The following ITGBL1 variants were observed in gnomAD, a reference collection of about 807,000 sequenced individuals.
ITGBL1 encodes integrin subunit beta like 1, also known as integrin beta-like protein 1.
A neutral mutation model predicts 68.5 loss-of-function variants in ITGBL1; 51 were observed. The ratio of observed to expected loss-of-function variants is 0.74; its 90% CI spans 0.59 to 0.94. The LOEUF (loss-of-function observed/expected upper bound fraction) is 0.94, where lower values mean the gene tolerates loss of function less well. ITGBL1 is among the 40% of genes least tolerant of loss of function. The pLI is 0.00. For missense variants in ITGBL1, 649 were observed against 647.4 expected (o/e 1.00, Z -0.03); for synonymous variants, 209 against 227.3 (o/e 0.92, Z 0.72).
intron 2 of ITGBL1, among the ~76,000 whole-genome samples, chr13:101,473,686 AGT>A (rs1262230456): frequency 3.3e-5 from 5 of 152,154 alleles, no homozygotes; most frequent in Admixed American, 1.3e-4. Context: ...CAGCCAAGGG[AGT>A]GTGTGCATCA....
chr13:101,704,012 G>A (rs367786423), intron 8 of ITGBL1, among the ~76,000 whole-genome samples: 2 of 152,112 alleles, frequency 1.3e-5, no homozygotes, highest in Non-Finnish European at 2.9e-5. Context: ...GGGAGGGGAC[G>A]GGAGAGACCA....
At chr13:101,575,679 C>A (rs1351811272) in intron 4 of ITGBL1, 133 bp downstream of exon 4, 4 of 874,650 alleles carry the variant, frequency 4.6e-6, no homozygotes, top group African/African-American at 1.7e-5. Context: ...ATCTGGAAAA[C>A]ATTTCACATA....
intron 2 of ITGBL1, among the ~76,000 whole-genome samples, chr13:101,458,870 A>C (rs1338127336): frequency 6.6e-6 from 1 of 152,220 alleles, no homozygotes; most frequent in Non-Finnish European, 1.5e-5. Context: ...TATGGTGCCC[A>C]AAAGCATGGC....
At chr13:101,612,302 T>C (rs776558750) in intron 7 of ITGBL1, among the ~76,000 whole-genome samples, 5 of 152,318 alleles carry the variant, frequency 3.3e-5, no homozygotes, top group South Asian at 2.1e-4. Flanking sequence ...TTTGAGGTCA[T>C]GTATAAAGTC....
chr13:101,668,800 T>C (rs1458160422), intron 7 of ITGBL1, among the ~76,000 whole-genome samples: 5 of 152,310 alleles, frequency 3.3e-5, no homozygotes, highest in African/African-American at 1.2e-4. Flanking sequence ...GATAAAATAA[T>C]AAACATTAAT....
intron 2 of ITGBL1, among the ~76,000 whole-genome samples, chr13:101,469,274 T>C (rs1335979153): frequency 1.3e-5 from 2 of 152,196 alleles, no homozygotes; most frequent in Non-Finnish European, 2.9e-5. Flanking sequence ...TCACTTTGCA[T>C]CTTGGAAATG....
chr13:101,604,844 CAA>C (rs2030597487), intron 7 of ITGBL1, among the ~76,000 whole-genome samples: 19 of 32,254 alleles, frequency 5.9e-4, no homozygotes, highest in South Asian at 2.2e-3. Context: ...CAGGTGAAGG[CAA>C]TATATATATA....
At chr13:101,693,490 G>A (rs1284858209) in intron 8 of ITGBL1, among the ~76,000 whole-genome samples, 1 of 152,102 alleles carries the variant, frequency 6.6e-6, no homozygotes, top group Non-Finnish European at 1.5e-5. Flanking sequence ...GCATAGGTAG[G>A]CTTGTTACAT....
intron 7 of ITGBL1, among the ~76,000 whole-genome samples, chr13:101,609,075 G>A (rs1255834583): frequency 1.3e-5 from 2 of 151,978 alleles, no homozygotes; most frequent in Non-Finnish European, 1.5e-5. Flanking sequence ...GGTTGTATAT[G>A]CTCTATTACC....
chr13:101,629,551 C>T (rs1476662450), intron 7 of ITGBL1, among the ~76,000 whole-genome samples: 1 of 152,042 alleles, frequency 6.6e-6, no homozygotes, highest in Non-Finnish European at 1.5e-5. Flanking sequence ...TGTTCTTCAT[C>T]TATTTAAAAT....
At chr13:101,611,780 CTG>C (rs2139368019) in intron 7 of ITGBL1, among the ~76,000 whole-genome samples, 1 of 152,206 alleles carries the variant, frequency 6.6e-6, no homozygotes, top group East Asian at 1.9e-4. Flanking sequence ...GAATTTGACA[CTG>C]TGTTCTGACT....
chr13:101,627,206 A>G (rs925970399), intron 7 of ITGBL1, among the ~76,000 whole-genome samples: 1 of 151,856 alleles, frequency 6.6e-6, no homozygotes, highest in Non-Finnish European at 1.5e-5. Flanking sequence ...ATTTTTTTTT[A>G]TATTTCTTAC....
chr13:101,579,423 C>T lies in ITGBL1; in HGVS notation c.723C>T (p.Asn241=), dbSNP rs1385570496. ...CTCCAGATGGCAAAATCTGCAGTAACAGAGGTGTGTCATTCATACATGTTA... is the reference window on the plus strand; with the variant it reads ...CTCCAGATGGCAAAATCTGCAGTAATAGAGGTGTGTCATTCATACATGTTA... ...CTSPDGKICS[N]RGTCVCGECT... Residue 241 remains asparagine (N), a synonymous_variant, in exon 5 of 11, where the codon AAC becomes AAT. Transcript: ENST00000376180. 6.2e-7 allele frequency: 1 copy of T among 1,613,472 alleles called. No homozygotes were observed. Among genetic ancestry groups the T allele is most frequent in the Non-Finnish European group, 8.5e-7 (1 of 1,179,778 alleles).
chr13:101,472,409 T>G (rs2048474614), intron 2 of ITGBL1, among the ~76,000 whole-genome samples: 1 of 152,216 alleles, frequency 6.6e-6, no homozygotes, highest in South Asian at 2.1e-4. Flanking sequence ...GTTACATTAC[T>G]TTAATTTTCG....
At chr13:101,509,253 C>T (rs947229955) in intron 2 of ITGBL1, among the ~76,000 whole-genome samples, 11 of 152,006 alleles carry the variant, frequency 7.2e-5, no homozygotes, top group South Asian at 4.2e-4. Context: ...GACTCATTCA[C>T]GATCATCAGA....
At chr13:101,699,047 A>G (rs2034071578) in intron 8 of ITGBL1, among the ~76,000 whole-genome samples, 1 of 152,340 alleles carries the variant, frequency 6.6e-6, no homozygotes, top group East Asian at 1.9e-4. Flanking sequence ...GAGAGTATGA[A>G]TTCAGTGACT....
chr13:101,563,278 A>G (rs1198468229), intron 2 of ITGBL1, among the ~76,000 whole-genome samples: 2 of 151,464 alleles, frequency 1.3e-5, no homozygotes, highest in African/African-American at 4.8e-5. Context: ...AAACAGGAGA[A>G]GGAAGAAAAT....
At chr13:101,651,582 A>T (rs1324392193) in intron 7 of ITGBL1, among the ~76,000 whole-genome samples, 1 of 152,158 alleles carries the variant, frequency 6.6e-6, no homozygotes, top group Non-Finnish European at 1.5e-5. Flanking sequence ...CCTTTGTCAG[A>T]TGGATAGAAG....
At chr13:101,719,841 TTAA>T (rs1337590398), downstream of ITGBL1, 1 of 151,434 alleles carries the variant, frequency 6.6e-6, no homozygotes, top group Non-Finnish European at 1.5e-5. Flanking sequence ...CACTTCTTAC[TTAA>T]TAACAGCAAA....
Sources: allele counts gnomAD v4.1 joint callset (sites outside exome capture counted in the v4.1 genomes callset), GRCh38; gene constraint gnomAD v4.1.1; transcripts MANE v1.5; gene names NCBI Gene and HGNC (gene_info 2026-07-23, HGNC 2026-07-21).